The following SEMA3A variants were observed in gnomAD, a reference collection of about 807,000 sequenced individuals.
SEMA3A encodes semaphorin-3A.
SEMA3A carries 29 observed loss-of-function variants against 97.9 expected under a neutral mutation model. The observed-to-expected ratio is 0.30, with a 90% CI of 0.22 to 0.40. SEMA3A has a LOEUF of 0.40. Among genes scored for constraint, SEMA3A ranks in the 10% least tolerant of loss-of-function variants. The probability of loss-of-function intolerance (pLI) is 1.00; values close to 1 mark genes in which losing one functional copy is unlikely to be tolerated. For missense variants in SEMA3A, 763 were observed against 951.3 expected, an observed-to-expected ratio of 0.80 and a Z score of 2.60; for synonymous variants, 321 against 323.7, an observed-to-expected ratio of 0.99 and a Z score of 0.09.
At chr7:84,150,793 A>G (rs1248218777) in intron 1 of SEMA3A, among the ~76,000 whole-genome samples, 1 of 152,126 alleles carries the variant, frequency 6.6e-6, no homozygotes, top group East Asian at 1.9e-4. Flanking sequence ...GGCAGGGCAC[A>G]GACAAACAAA....
intron 4 of SEMA3A, among the ~76,000 whole-genome samples, chr7:84,062,450 C>T (rs555613877): frequency 2.0e-5 from 3 of 152,202 alleles, no homozygotes; most frequent in Non-Finnish European, 4.4e-5. Context: ...CTCCGGTCTA[C>T]GGCTCCCAGA....
intron 1 of SEMA3A, among the ~76,000 whole-genome samples, chr7:84,452,561 A>G (rs1805586135): frequency 6.6e-6 from 1 of 152,170 alleles, no homozygotes; most frequent in Non-Finnish European, 1.5e-5. Flanking sequence ...TTCCAAACCT[A>G]CATGTTCCTT....
In SEMA3A at chr7:83,985,470, GTC is replaced by G; in HGVS notation, c.1458_1459del (p.Thr487CysfsTer10). The G allele has an allele frequency of 6.2e-7, 1 of 1,609,072 alleles. No homozygotes were observed. The highest frequency in any genetic ancestry group is 1.7e-5 in the Admixed American group (1 of 59,614). On this transcript the variant is annotated frameshift_variant, in exon 13 of 17. Transcript: ENST00000265362. LOFTEE classifies it high-confidence loss of function. The stretch of plus-strand genomic sequence containing the variant: ...GGAAAGCTCCATTGCTGAAATAGCA[GTC>G]GGTTCCTAAAGGAGAAAAAGAAATA...
At chr7:84,293,962 A>G (rs1040522504) in intron 3 of SEMA3A, among the ~76,000 whole-genome samples, 3 of 152,068 alleles carry the variant, frequency 2.0e-5, no homozygotes, top group Non-Finnish European at 2.9e-5. Context: ...AACACTGTTT[A>G]GCAAAAATGG....
intron 1 of SEMA3A, among the ~76,000 whole-genome samples, chr7:84,143,838 AG>A (rs1471089801): frequency 6.6e-6 from 1 of 151,686 alleles, no homozygotes; most frequent in Non-Finnish European, 1.5e-5. Context: ...GTAGAGGTAT[AG>A]GTAAAGCATA....
chr7:84,061,877 GT>G (rs1352205884), intron 4 of SEMA3A, among the ~76,000 whole-genome samples: 11 of 151,968 alleles, frequency 7.2e-5, no homozygotes, highest in African/African-American at 2.7e-4. Context: ...ATTTCTTTAG[GT>G]TAGTTCTAAA....
intron 6 of SEMA3A, among the ~76,000 whole-genome samples, chr7:84,023,995 G>A (rs1212481314): frequency 1.7e-4 from 24 of 142,274 alleles, no homozygotes; most frequent in Admixed American, 1.7e-3. Flanking sequence ...CTGGGCAACG[G>A]AGCGAGACTC....
At chr7:84,220,664 G>GCATT in intron 3 of SEMA3A, among the ~76,000 whole-genome samples, 1 of 152,100 alleles carries the variant, frequency 6.6e-6, no homozygotes, top group Non-Finnish European at 1.5e-5. Flanking sequence ...AAAGCTGTTG[G>GCATT]GTAATGAAGT....
At chr7:84,300,250 A>G (rs1800976983) in intron 3 of SEMA3A, among the ~76,000 whole-genome samples, 1 of 151,912 alleles carries the variant, frequency 6.6e-6, no homozygotes, top group Non-Finnish European at 1.5e-5. Flanking sequence ...ATATATATGC[A>G]TATATTTCAT....
intron 4 of SEMA3A, among the ~76,000 whole-genome samples, chr7:84,084,742 T>A (rs1318521081): frequency 2.0e-5 from 3 of 152,106 alleles, no homozygotes; most frequent in Non-Finnish European, 4.4e-5. Context: ...AAAGTTCTTT[T>A]AAAAAACGCA....
At chr7:84,185,126 G>A (rs1258636472) in intron 1 of SEMA3A, among the ~76,000 whole-genome samples, 1 of 152,058 alleles carries the variant, frequency 6.6e-6, no homozygotes, top group Non-Finnish European at 1.5e-5. Flanking sequence ...GACTTTTCTT[G>A]TACTTGAGTA....
At position 83,960,491 on chromosome 7, in the gene SEMA3A, A is replaced by G. The variant is rs896690302; in HGVS notation, c.*880T>C. On this transcript the variant is annotated 3_prime_UTR_variant, in exon 17 of 17. Coordinates refer to ENST00000265362, the MANE Select transcript of SEMA3A (RefSeq NM_006080.3). The stretch of plus-strand genomic sequence containing the variant: ...ATTTGTTTGATTTTCTCAGAGAAAT[A>G]AAGCATAATTTATATCCTGGTTTTA... 6.6e-6 allele frequency: 1 copy of G among 152,480 alleles called. No individual in the cohort carries two copies. Among genetic ancestry groups the G allele is most frequent in the African/African-American group, 2.4e-5 (1 of 41,450 alleles). 9.4% of individuals were successfully genotyped at this position (152,480 alleles called of 1,614,324 possible). A position where few individuals can be genotyped will look rare whatever the true frequency, so the allele number is the denominator to read the frequency against.
At chr7:84,226,931 G>A (rs1159329832) in intron 3 of SEMA3A, among the ~76,000 whole-genome samples, 2 of 151,942 alleles carry the variant, frequency 1.3e-5, no homozygotes, top group Non-Finnish European at 1.5e-5. Context: ...CATTAAATAT[G>A]CCTCACTGAT....
rs920892529 is a variant in SEMA3A at position 84,176,209 on chromosome 7, G to A, written c.112+18266C>T. Among the ~76,000 whole-genome samples the A allele has an allele frequency of 5.9e-5, 9 of 152,150 alleles. No homozygotes were observed. The East Asian group carries it at 9.6e-4, about 16-fold the overall frequency. ...AATCATGGTACAAAATATACATTAC[G>A]AGGCTATTCTGTGGTATGCTGTAAA... On this transcript the variant is annotated intron_variant, in intron 1 of 16. Transcript: ENST00000265362.
Position 84,095,363 on chromosome 7 carries a change from A to ATTTTTT in SEMA3A, c.453+15106_453+15107insAAAAAA, listed in dbSNP as rs1562778225. ...TATTTTATATTTTTTATATACATAT[A>ATTTTTT]TATATATATATATATATATATATAT... On this transcript the variant is annotated intron_variant, in intron 4 of 16. Transcript: ENST00000265362. Among the ~76,000 whole-genome samples, 415 of 48,518 alleles carry ATTTTTT rather than the reference A, an allele frequency of 8.6e-3. 1 individual carries two copies. The highest frequency in any genetic ancestry group is 0.016 in the East Asian group (21 of 1,336). 31.8% of individuals were successfully genotyped at this position (48,518 alleles called of 152,430 possible).
At chr7:84,037,740 A>G (rs1389664786) in intron 6 of SEMA3A, among the ~76,000 whole-genome samples, 2 of 152,116 alleles carry the variant, frequency 1.3e-5, no homozygotes, top group African/African-American at 4.8e-5. Flanking sequence ...TTTTAAAAGT[A>G]TAACTCTATT....
At chr7:83,999,337 T>G (rs926767310) in intron 12 of SEMA3A, among the ~76,000 whole-genome samples, 1 of 152,062 alleles carries the variant, frequency 6.6e-6, no homozygotes, top group African/African-American at 2.4e-5. Context: ...ATGTGAAATA[T>G]AAACTTAAAA....
chr7:83,986,957 ATC>A (rs3073594), intron 12 of SEMA3A, among the ~76,000 whole-genome samples: 3 of 149,126 alleles, frequency 2.0e-5, no homozygotes, highest in South Asian at 2.1e-4. Flanking sequence ...CTCTTCTCTC[ATC>A]TCTCTCTCTT....
intron 1 of SEMA3A, among the ~76,000 whole-genome samples, chr7:84,425,182 C>T (rs13311782): frequency 0.31 from 34,288 of 109,144 alleles, 6,434 homozygotes; most frequent in African/African-American, 0.55. Context: ...ATATTATACG[C>T]ATATATTTAC....
Sources: allele counts gnomAD v4.1 joint callset (sites outside exome capture counted in the v4.1 genomes callset), GRCh38; gene constraint gnomAD v4.1.1; transcripts MANE v1.5; gene names NCBI Gene and HGNC (gene_info 2026-07-23, HGNC 2026-07-21).